The following EIF4G3 variants were observed in gnomAD, a reference collection of about 807,000 sequenced individuals.
The protein encoded by EIF4G3 is eIF-4-gamma 3.
EIF4G3 carries 34 observed loss-of-function variants against 186.4 expected under a neutral mutation model. The observed-to-expected ratio is 0.18, with a 90% CI of 0.14 to 0.24. The LOEUF (loss-of-function observed/expected upper bound fraction) is 0.24. Ranked by LOEUF, EIF4G3 falls within the 10% of genes least tolerant of loss-of-function variation. The probability of loss-of-function intolerance (pLI) is 1.00; values close to 1 mark genes in which losing one functional copy is unlikely to be tolerated. For missense variants in EIF4G3, 1,536 were observed against 1,948.5 expected (o/e 0.79, Z 3.99); for synonymous variants, 673 against 679.5 (o/e 0.99, Z 0.15).
In EIF4G3 at chr1:20,950,015, C is replaced by G. The variant is rs780733807; in HGVS notation, c.811G>C (p.Asp271His). ...GTCATACACAAACCTTGCTTCTGGTCGCTAGCTGCAGTGACAGGGGTGCTG... is the reference window on the plus strand; with the variant it reads ...GTCATACACAAACCTTGCTTCTGGTGGCTAGCTGCAGTGACAGGGGTGCTG... ...AASTPVTAASDQKQEEKPKPD... is the reference protein window; with the variant it reads ...AASTPVTAASHQKQEEKPKPD... Residue 271 changes from aspartate to histidine, a missense_variant, in exon 13 of 37, where the codon GAC (aspartate) becomes CAC (histidine). Coordinates refer to ENST00000602326, the MANE Select transcript of EIF4G3 (RefSeq NM_001391906.1). The G allele has an allele frequency of 4.3e-6, 7 of 1,613,280 alleles. No homozygotes were observed. In the South Asian group the frequency reaches 6.6e-5, roughly 15 times the overall value.
At chr1:20,845,673 T>A (rs562374041) in intron 29 of EIF4G3, among the ~76,000 whole-genome samples, 18 of 151,612 alleles carry the variant, frequency 1.2e-4, no homozygotes, top group African/African-American at 3.6e-4. Flanking sequence ...AGAAAAAAAA[T>A]AAATAATAAA....
rs111583755 is a variant in EIF4G3, at chr1:20,933,559, G to T, written c.1663+7932C>A. On this transcript the variant is annotated intron_variant, in intron 14 of 36. Transcript: ENST00000602326. Reference sequence around the variant, plus strand: ...AATCCCAGCTACTCAGGGGGCTGAGGGAGGAGAATCACTTGAACCTGGGAG... The same window carrying T: ...AATCCCAGCTACTCAGGGGGCTGAGTGAGGAGAATCACTTGAACCTGGGAG... Among the ~76,000 whole-genome samples the T allele has an allele frequency of 3.9e-3, 595 of 152,206 alleles. 6 individuals carry two copies. The highest frequency in any genetic ancestry group is 0.013 in the African/African-American group (557 of 41,522).
chr1:21,048,629 C>T (rs1447976796), intron 4 of EIF4G3, among the ~76,000 whole-genome samples: 2 of 152,130 alleles, frequency 1.3e-5, no homozygotes, highest in African/African-American at 2.4e-5. Flanking sequence ...CCTGGTATTC[C>T]CTCAGGAAGA....
intron 29 of EIF4G3, among the ~76,000 whole-genome samples, chr1:20,845,670 A>C (rs112910069): frequency 1.1e-3 from 165 of 152,114 alleles, no homozygotes; most frequent in African/African-American, 3.9e-3. Context: ...TCAAGAAAAA[A>C]AATAAATAAT....
At chr1:20,938,448 T>C (rs1045811377) in intron 14 of EIF4G3, among the ~76,000 whole-genome samples, 2 of 152,220 alleles carry the variant, frequency 1.3e-5, no homozygotes, top group East Asian at 1.9e-4. Flanking sequence ...TATTTATGTA[T>C]CAGGTTTCTG....
chr1:20,990,362 G>A (rs2080809085), intron 7 of EIF4G3, among the ~76,000 whole-genome samples: 1 of 152,044 alleles, frequency 6.6e-6, no homozygotes, highest in African/African-American at 2.4e-5. Context: ...AAAATCATTA[G>A]CATTTTTTAG....
In EIF4G3 at chr1:20,904,884, T is replaced by C; in HGVS notation, c.1751A>G (p.Glu584Gly). The C allele has an allele frequency of 1.2e-6, 2 of 1,612,696 alleles. No individual in the cohort carries two copies. The highest frequency in any genetic ancestry group is 1.7e-6 in the Non-Finnish European group (2 of 1,178,876). ...TATGAACTTAAGAGATTTGCTTACC[T>C]CCAATTCTGCCTCTAACATCTCTTC... ...TTEEMLEAELELKAEEELSID... is the reference protein window; with the variant it reads ...TTEEMLEAELGLKAEEELSID... Residue 584 changes from glutamate to glycine, a missense_variant and splice_region_variant, in exon 15 of 37, where the codon GAG becomes GGG. Around this residue, in one of 11 missense-constraint regions of EIF4G3, gnomAD observed 560 missense variants for 547.8 expected, o/e 1.02. Transcript: ENST00000602326.
At chr1:20,869,306 A>ATTTTTTTTTTTTTTTTTTTTTTTTTTT (rs954573350) in intron 20 of EIF4G3, among the ~76,000 whole-genome samples, 2 of 97,394 alleles carry the variant, frequency 2.1e-5, no homozygotes, top group Non-Finnish European at 2.0e-5. Flanking sequence ...TTACTTTAAA[A>ATTTTTTTTTTTTTTTTTTTTTTTTTTT]TTTTTTTTTT....
chr1:20,864,515 G>A lies in EIF4G3; in HGVS notation c.2967C>T (p.Leu989=), dbSNP rs770919726. The change falls in exon 22 of 37, where the codon CTC becomes CTT. Residue 989 remains leucine (L), a synonymous_variant. Transcript: ENST00000602326. ...EESLECLCRL[L]TTIGKDLDFE... ...AGTCCAAGTCTTTGCCAATGGTGGT[G>A]AGCAGGCGACACAGGCACTCCAGGG... 4 of 1,614,224 alleles carry A rather than the reference G, an allele frequency of 2.5e-6. No homozygotes were observed. Among genetic ancestry groups the A allele is most frequent in the Non-Finnish European group, 3.4e-6 (4 of 1,180,024 alleles).
rs569005125 is a variant in EIF4G3 at position 21,079,525 on chromosome 1, T to A, written c.-196+9613A>T. Among the ~76,000 whole-genome samples the A allele has an allele frequency of 5.8e-3, 554 of 95,322 alleles. 2 individuals are homozygous for A. Among genetic ancestry groups the A allele is most frequent in the Middle Eastern group, 0.016 (2 of 122 alleles). 62.5% of individuals were successfully genotyped at this position (95,322 alleles called of 152,430 possible). A position where few individuals can be genotyped will look rare whatever the true frequency, so the allele number is the denominator to read the frequency against. On this transcript the variant is annotated intron_variant, in intron 3 of 36. Coordinates refer to ENST00000602326, the MANE Select transcript of EIF4G3 (RefSeq NM_001391906.1). ...TCTACAGAAAAAAAAAAAAAAAAAA[T>A]GCTTTTTAATTAGCCAGGAGTCATG...
Position 20,807,548 on chromosome 1 carries a change from T to C in EIF4G3, c.4745-48A>G, listed in dbSNP as rs75681827. ...TATAAGCTTTGGGACACTGTAGTTATGAGGAAAAGAATATATTTCAAAATA... is the reference window on the plus strand; with the variant it reads ...TATAAGCTTTGGGACACTGTAGTTACGAGGAAAAGAATATATTTCAAAATA... On this transcript the variant is annotated intron_variant, in intron 36 of 36. Coordinates refer to ENST00000602326, the MANE Select transcript of EIF4G3 (RefSeq NM_001391906.1). 2.2e-3 allele frequency: 3,194 copies of C among 1,428,676 alleles called. 3 individuals carry two copies. The highest frequency in any genetic ancestry group is 2.6e-3 in the Non-Finnish European group (2,723 of 1,067,004). The allele number at this position is 1,428,676 out of a possible 1,614,324, so 88.5% of individuals were successfully genotyped here. A position where few individuals can be genotyped will look rare whatever the true frequency, so the allele number is the denominator to read the frequency against.
chr1:21,002,568 AAAT>A (rs2083805233), intron 5 of EIF4G3, 142 bp downstream of exon 5: 1 of 772,070 alleles, frequency 1.3e-6, no homozygotes, highest in Non-Finnish European at 2.0e-6. Context: ...CAAAGCTAAC[AAAT>A]AATAGTAGGA....
At chr1:21,116,215 A>G (rs747421196) in intron 2 of EIF4G3, among the ~76,000 whole-genome samples, 3 of 152,218 alleles carry the variant, frequency 2.0e-5, no homozygotes, top group Non-Finnish European at 4.4e-5. Flanking sequence ...AACAGTCCAT[A>G]TAACATATCT....
intron 2 of EIF4G3, among the ~76,000 whole-genome samples, chr1:21,141,793 T>C (rs1365568878): frequency 6.6e-6 from 1 of 151,954 alleles, no homozygotes; most frequent in Non-Finnish European, 1.5e-5. Context: ...TAGTCAGCCG[T>C]GGTAGTGTGG....
chr1:21,137,579 C>T (rs1005215475), intron 2 of EIF4G3, among the ~76,000 whole-genome samples: 3 of 152,010 alleles, frequency 2.0e-5, no homozygotes, highest in Admixed American at 2.0e-4. Flanking sequence ...GAGTTAGAGG[C>T]AGGAGGATCA....
intron 4 of EIF4G3, among the ~76,000 whole-genome samples, chr1:21,028,968 C>T (rs555304433): frequency 2.6e-5 from 4 of 152,320 alleles, no homozygotes; most frequent in Admixed American, 2.6e-4. Context: ...TAACCTCTCA[C>T]TCCTGGATGC....
At chr1:21,147,380 G>C (rs893491407) in intron 2 of EIF4G3, among the ~76,000 whole-genome samples, 1 of 151,412 alleles carries the variant, frequency 6.6e-6, no homozygotes, top group Non-Finnish European at 1.5e-5. Flanking sequence ...TCACACTGTC[G>C]CCTGGGCTGG....
At chr1:20,936,166 G>A (rs2095511039) in intron 14 of EIF4G3, among the ~76,000 whole-genome samples, 1 of 152,184 alleles carries the variant, frequency 6.6e-6, no homozygotes, top group South Asian at 2.1e-4. Context: ...AATTTGACCA[G>A]CATCAGTATT....
At chr1:20,937,750 G>C (rs563701371) in intron 14 of EIF4G3, among the ~76,000 whole-genome samples, 15 of 152,184 alleles carry the variant, frequency 9.9e-5, no homozygotes, top group Admixed American at 6.5e-4. Context: ...ATGATTAATG[G>C]GGAATGCTTT....
Sources: allele counts gnomAD v4.1 joint callset (sites outside exome capture counted in the v4.1 genomes callset), GRCh38; gene constraint gnomAD v4.1.1; regional missense constraint gnomAD v4.1.1; transcripts MANE v1.5; gene names NCBI Gene and HGNC (gene_info 2026-07-23, HGNC 2026-07-21).